Variants in NIPAL2 observed in about 807,000 individuals in gnomAD.
The protein encoded by NIPAL2 is NIPA like domain containing 2.
Under a neutral mutation model 48.9 loss-of-function variants are expected in NIPAL2, and 43 were observed. The observed-to-expected ratio is 0.88, with a 90% CI of 0.69 to 1.13. The LOEUF (loss-of-function observed/expected upper bound fraction) is 1.13, where lower values mean the gene tolerates loss of function less well. NIPAL2 is among the 50% of genes most tolerant of loss of function. The pLI is 0.00. For synonymous variants in NIPAL2, 167 were observed against 174.6 expected (o/e 0.96, Z 0.34); for missense variants, 446 against 461.4 (o/e 0.97, Z 0.31).
At chr8:98,211,867 C>A (rs963879504) in intron 6 of NIPAL2, among the ~76,000 whole-genome samples, 1 of 151,780 alleles carries the variant, frequency 6.6e-6, no homozygotes, top group Non-Finnish European at 1.5e-5. Context: ...ATTAAAAATA[C>A]ATAGTGGGCT....
chr8:98,243,132 G>GTATT (rs1248531307), intron 3 of NIPAL2, among the ~76,000 whole-genome samples: 1 of 152,178 alleles, frequency 6.6e-6, no homozygotes, highest in African/African-American at 2.4e-5. Flanking sequence ...GCAGTCTAAT[G>GTATT]TATTTAATGC....
At chr8:98,229,672 C>A (rs1293725972) in intron 4 of NIPAL2, among the ~76,000 whole-genome samples, 1 of 152,114 alleles carries the variant, frequency 6.6e-6, no homozygotes, top group East Asian at 1.9e-4. Flanking sequence ...GCCACTATGC[C>A]CAGCCAGTAA....
intron 1 of NIPAL2, among the ~76,000 whole-genome samples, chr8:98,270,953 G>T (rs1815087325): frequency 6.6e-6 from 1 of 152,100 alleles, no homozygotes; most frequent in African/African-American, 2.4e-5. Flanking sequence ...TTATTGAATA[G>T]GAAGTCCTTT....
chr8:98,210,409 T>C (rs933644553), intron 6 of NIPAL2, among the ~76,000 whole-genome samples: 1 of 152,166 alleles, frequency 6.6e-6, no homozygotes, highest in Non-Finnish European at 1.5e-5. Context: ...GTTTTACTGG[T>C]TTCTATTTTT....
At chr8:98,276,849 T>A (rs1009043203) in intron 1 of NIPAL2, among the ~76,000 whole-genome samples, 8 of 151,990 alleles carry the variant, frequency 5.3e-5, no homozygotes, top group Non-Finnish European at 1.2e-4. Context: ...CTTGGCTCAC[T>A]GCAACCTCCA....
chr8:98,216,853 G>A (rs1030559489), intron 5 of NIPAL2, among the ~76,000 whole-genome samples: 3 of 152,202 alleles, frequency 2.0e-5, no homozygotes, highest in African/African-American at 7.2e-5. Context: ...TGCAGAACAC[G>A]TTTGCTCATA....
chr8:98,193,495 CA>C lies in NIPAL2; in HGVS notation c.1040-406del, dbSNP rs1405544177. On this transcript the variant is annotated intron_variant, in intron 10 of 10. Coordinates refer to ENST00000430223, the MANE Select transcript of NIPAL2 (RefSeq NM_001321635.2). ...TTCTAAAGCTACTACGGAGCCTATG[CA>C]CTGAGCTTTGTGAAATAAAAAATAG... 5 of 1,336,770 alleles carry C rather than the reference CA, an allele frequency of 3.7e-6. No individual in the cohort carries two copies. In the East Asian group the frequency reaches 9.2e-5, roughly 25 times the overall value. 82.8% of individuals were successfully genotyped at this position (1,336,770 alleles called of 1,614,324 possible). A position where few individuals can be genotyped will look rare whatever the true frequency, so the allele number is the denominator to read the frequency against.
intron 10 of NIPAL2, chr8:98,193,298 C>G: frequency 1.2e-5 from 18 of 1,454,452 alleles, no homozygotes; most frequent in Non-Finnish European, 1.6e-5. Flanking sequence ...TGTGTCAGAG[C>G]CACTATCCCC....
chr8:98,233,078 T>C (rs1812521243), intron 4 of NIPAL2, among the ~76,000 whole-genome samples: 1 of 152,092 alleles, frequency 6.6e-6, no homozygotes, highest in Non-Finnish European at 1.5e-5. Context: ...GACAACATGG[T>C]GAAGCCCTGT....
chr8:98,227,736 T>C (rs1812245387), intron 4 of NIPAL2, among the ~76,000 whole-genome samples: 2 of 152,210 alleles, frequency 1.3e-5, no homozygotes, highest in Non-Finnish European at 2.9e-5. Flanking sequence ...GAGTGGCGCC[T>C]GCACTCCCTT....
intron 1 of NIPAL2, among the ~76,000 whole-genome samples, chr8:98,274,229 T>A (rs1446802958): frequency 1.3e-5 from 2 of 152,036 alleles, no homozygotes; most frequent in Admixed American, 1.3e-4. Context: ...TAACATTATA[T>A]ATATATTCTA....
chr8:98,285,625 C>G (rs932460243), intron 1 of NIPAL2, among the ~76,000 whole-genome samples: 17 of 152,246 alleles, frequency 1.1e-4, no homozygotes, highest in African/African-American at 3.9e-4. Context: ...TTTAAAGCCC[C>G]CCTGGATGGA....
intron 1 of NIPAL2, among the ~76,000 whole-genome samples, chr8:98,284,849 T>C (rs1168206196): frequency 1.3e-5 from 2 of 152,110 alleles, no homozygotes; most frequent in Non-Finnish European, 2.9e-5. Flanking sequence ...TTGTCCTACC[T>C]ACTGAAGAGG....
intron 10 of NIPAL2, chr8:98,193,311 C>A: frequency 1.3e-5 from 20 of 1,538,982 alleles, no homozygotes; most frequent in Non-Finnish European, 1.7e-5. Flanking sequence ...CTATCCCCAC[C>A]CCACAGGATC....
At position 98,259,383 on chromosome 8, in the gene NIPAL2, A is replaced by G. The variant is rs556464403; in HGVS notation, c.136-5296T>C. 2.5e-4 allele frequency among the ~76,000 whole-genome samples: 38 copies of G among 152,230 alleles called. No homozygotes were observed. The South Asian group carries it at 7.7e-3, about 31-fold the overall frequency. On this transcript the variant is annotated intron_variant, in intron 1 of 10. Transcript: ENST00000430223. ...AGCCACCGCACCCGGCCTCCTTTAA[A>G]TATTCTTCTCACAGGTTTATTTTTG...
At chr8:98,290,749 T>A (rs573548925) in intron 1 of NIPAL2, among the ~76,000 whole-genome samples, 6 of 152,178 alleles carry the variant, frequency 3.9e-5, no homozygotes, top group African/African-American at 1.4e-4. Flanking sequence ...AAAAAATCTT[T>A]AAAAATGCAT....
intron 5 of NIPAL2, among the ~76,000 whole-genome samples, chr8:98,216,157 C>T (rs1811563265): frequency 6.6e-6 from 1 of 152,192 alleles, no homozygotes; most frequent in Non-Finnish European, 1.5e-5. Context: ...AGATCTGATC[C>T]TTGGTAGTCA....
rs959463771 is a variant in NIPAL2, at chr8:98,257,852, C to A, written c.136-3765G>T. Among the ~76,000 whole-genome samples the A allele has an allele frequency of 2.6e-5, 4 of 152,202 alleles. No individual in the cohort carries two copies. The South Asian group carries it at 8.3e-4, about 32-fold the overall frequency. On this transcript the variant is annotated intron_variant, in intron 1 of 10. Transcript: ENST00000430223. ...GCCAATCAGAAAAGCTTGAATTCAC[C>A]CATGACCTGGAAGCCCCCACTTCCA...
intron 5 of NIPAL2, 38 bp downstream of exon 5, chr8:98,222,441 T>G: frequency 6.2e-7 from 1 of 1,605,320 alleles, no homozygotes; most frequent in Non-Finnish European, 8.5e-7. Context: ...GTCTGGATAA[T>G]ATAGCTTCGG....
Sources: gnomAD v4.1 joint callset for allele counts (sites outside exome capture counted in the v4.1 genomes callset) on GRCh38, gnomAD v4.1.1 for gene constraint, MANE v1.5 for transcripts, NCBI Gene and HGNC (gene_info 2026-07-23, HGNC 2026-07-21) for gene names.